ANXA7: variants seen among roughly 807,000 people sequenced by gnomAD.
The protein encoded by ANXA7 is annexin A7.
Under a neutral mutation model 64.9 loss-of-function variants are expected in ANXA7, and 55 were observed. The ratio of observed to expected loss-of-function variants is 0.85; its 90% CI spans 0.68 to 1.06. The LOEUF is 1.06. Among genes scored for constraint, ANXA7 ranks in the 50% least tolerant of loss-of-function variants. ANXA7 has a pLI of 0.00. For synonymous variants in ANXA7, 200 were observed against 192.4 expected, an observed-to-expected ratio of 1.04 and a Z score of -0.33; for missense variants, 548 against 582.1, an observed-to-expected ratio of 0.94 and a Z score of 0.60.
At chr10:73,412,065 T>C (rs2055851688) in intron 1 of ANXA7, among the ~76,000 whole-genome samples, 1 of 151,890 alleles carries the variant, frequency 6.6e-6, no homozygotes, top group Admixed American at 6.6e-5. Flanking sequence ...TGAGATGGAG[T>C]CTCGCTCTGT....
intron 5 of ANXA7, 41 bp downstream of exon 5, chr10:73,396,478 C>T (rs752123442): frequency 2.4e-5 from 35 of 1,449,300 alleles, no homozygotes; most frequent in Non-Finnish European, 3.1e-5. Context: ...CCTTCTTTAT[C>T]TAGCTACCTA....
chr10:73,406,152 C>T lies in ANXA7; in HGVS notation c.-1-5295G>A, dbSNP rs552445272. Among the ~76,000 whole-genome samples, 192 of 152,090 alleles carry T rather than the reference C, an allele frequency of 1.3e-3. 1 individual carries two copies. Among genetic ancestry groups the T allele is most frequent in the Non-Finnish European group, 9.7e-4 (66 of 68,006 alleles). On this transcript the variant is annotated intron_variant, in intron 1 of 12. Transcript: ENST00000372921. ...TTGTATTTTAGTAGAGACAGGGTTT[C>T]GTCATGTTGGCCAGGCTGGTCTCGA...
chr10:73,412,795 C>CTTTTTTTT (rs55814659), intron 1 of ANXA7, among the ~76,000 whole-genome samples: 105 of 131,576 alleles, frequency 8.0e-4, no homozygotes, highest in African/African-American at 2.7e-3. Flanking sequence ...CGCGCTCGGG[C>CTTTTTTTT]TTTTTTTTTT....
chr10:73,395,966 G>A, intron 5 of ANXA7: 1 of 905,690 alleles, frequency 1.1e-6, no homozygotes, highest in Non-Finnish European at 1.8e-6. Context: ...AGTAGTGAGA[G>A]ACAAGTACAT....
intron 12 of ANXA7, 80 bp from the exon 13 acceptor site, chr10:73,376,297 T>C: frequency 1.5e-6 from 2 of 1,336,768 alleles, no homozygotes; most frequent in Non-Finnish European, 9.9e-7. Context: ...AATAATAAGA[T>C]CTTAATAATA....
intron 6 of ANXA7, among the ~76,000 whole-genome samples, 177 bp from the exon 7 acceptor site, chr10:73,387,960 T>G (rs1003749155): frequency 6.6e-6 from 1 of 151,076 alleles, no homozygotes; most frequent in Non-Finnish European, 1.5e-5. Context: ...CAAGCAATTC[T>G]CCTGCCTCAG....
chr10:73,412,785 C>T (rs1355627251), intron 1 of ANXA7, among the ~76,000 whole-genome samples: 1 of 147,662 alleles, frequency 6.8e-6, no homozygotes, highest in Non-Finnish European at 1.5e-5. Flanking sequence ...AGTGAGCCAC[C>T]GCGCTCGGGC....
At chr10:73,396,474 TTATC>T in intron 5 of ANXA7, 41 bp downstream of exon 5, 1 of 1,437,884 alleles carries the variant, frequency 7.0e-7, no homozygotes, top group Non-Finnish European at 9.6e-7. Context: ...GGTTCCTTCT[TTATC>T]TAGCTACCTA....
intron 7 of ANXA7, among the ~76,000 whole-genome samples, chr10:73,387,088 G>A (rs890000956): frequency 2.6e-5 from 4 of 152,184 alleles, no homozygotes; most frequent in Admixed American, 2.0e-4. Flanking sequence ...ACTGTAACAG[G>A]CAGAAGACTG....
At chr10:73,377,569 C>CAAAAAA (rs765858882) in intron 12 of ANXA7, 1 of 29,620 alleles carries the variant, frequency 3.4e-5, no homozygotes, top group Non-Finnish European at 5.8e-5. Flanking sequence ...GACTCCATCT[C>CAAAAAA]AAAAAAAAAA....
At chr10:73,387,835 C>G in intron 6 of ANXA7, 52 bp from the exon 7 acceptor site, 12 of 968,078 alleles carry the variant, frequency 1.2e-5, no homozygotes, top group Non-Finnish European at 1.8e-5. Context: ...CTAGGTGCTG[C>G]TTGAGGTCAT....
intron 1 of ANXA7, among the ~76,000 whole-genome samples, chr10:73,406,523 A>T (rs1479905550): frequency 2.6e-5 from 4 of 152,204 alleles, no homozygotes; most frequent in African/African-American, 7.2e-5. Flanking sequence ...AATGAAAATT[A>T]ATTGGCCTGA....
intron 1 of ANXA7, among the ~76,000 whole-genome samples, chr10:73,406,087 C>T (rs2055752946): frequency 6.6e-6 from 1 of 151,888 alleles, no homozygotes; most frequent in Non-Finnish European, 1.5e-5. Context: ...TCCTGAGTAA[C>T]TGGGATTACA....
At chr10:73,393,046 T>C (rs2055511954) in intron 5 of ANXA7, among the ~76,000 whole-genome samples, 1 of 152,170 alleles carries the variant, frequency 6.6e-6, no homozygotes, top group African/African-American at 2.4e-5. Flanking sequence ...CAAGCATTCC[T>C]ATACACCAAT....
rs1554815407 is a variant in ANXA7 at position 73,377,930 on chromosome 10, T to TGC, written c.1278+979_1278+980dup. 1.4e-3 allele frequency among the ~76,000 whole-genome samples: 202 copies of TGC among 142,574 alleles called. 3 individuals carry two copies. The highest frequency in any genetic ancestry group is 5.2e-3 in the South Asian group (23 of 4,466). The allele number at this position is 142,574 out of a possible 152,430, so 93.5% of individuals were successfully genotyped here. ...GTGTGTGTGTGTGTGTGTGTGTGTG[T>TGC]GCGCGCGCGTGTGTTTTTTGTAGAA... On this transcript the variant is annotated intron_variant, in intron 12 of 12. Transcript: ENST00000372921.
intron 1 of ANXA7, among the ~76,000 whole-genome samples, chr10:73,412,813 T>C (rs974295377): frequency 2.7e-5 from 4 of 150,396 alleles, no homozygotes; most frequent in Non-Finnish European, 4.4e-5. Context: ...TTTTTTTTTT[T>C]AAACATTCTC....
intron 9 of ANXA7, among the ~76,000 whole-genome samples, chr10:73,382,800 T>A (rs191767852): frequency 7.7e-4 from 118 of 152,320 alleles, no homozygotes; most frequent in African/African-American, 2.7e-3. Flanking sequence ...TCTCCTCACA[T>A]AGTCCTCACT....
At chr10:73,394,266 C>G (rs1387163691) in intron 5 of ANXA7, among the ~76,000 whole-genome samples, 3 of 152,174 alleles carry the variant, frequency 2.0e-5, no homozygotes, top group Non-Finnish European at 2.9e-5. Context: ...GTTGGTGGGA[C>G]TGTAAACTAG....
intron 4 of ANXA7, among the ~76,000 whole-genome samples, 175 bp from the exon 5 acceptor site, chr10:73,396,758 T>C (rs901527563): frequency 1.3e-5 from 2 of 152,198 alleles, no homozygotes; most frequent in African/African-American, 4.8e-5. Flanking sequence ...ACTTTGGTCA[T>C]AAGAACCTTT....
Sources: allele counts gnomAD v4.1 joint callset (sites outside exome capture counted in the v4.1 genomes callset), GRCh38; gene constraint gnomAD v4.1.1; transcripts MANE v1.5; gene names NCBI Gene and HGNC (gene_info 2026-07-23, HGNC 2026-07-21).